Variants in FBN2 observed in about 807,000 individuals in gnomAD.
FBN2 encodes the protein fibrillin-2.
In FBN2, 105 loss-of-function variants were observed where a neutral mutation model predicts 355.6. The observed-to-expected ratio is 0.30, with a 90% CI of 0.25 to 0.35. The LOEUF (loss-of-function observed/expected upper bound fraction) is 0.35, where lower values mean the gene tolerates loss of function less well. Ranked by LOEUF, FBN2 falls within the 10% of genes least tolerant of loss-of-function variation. The pLI, the probability that FBN2 is intolerant of heterozygous loss-of-function variation, is 1.00. For missense variants in FBN2, 3,280 were observed against 3,758.7 expected, an observed-to-expected ratio of 0.87 and a Z score of 3.33; for synonymous variants, 1,350 against 1,301.2, an observed-to-expected ratio of 1.04 and a Z score of -0.81.
intron 7 of FBN2, among the ~76,000 whole-genome samples, chr5:128,416,280 C>T (rs1753196016): frequency 6.6e-6 from 1 of 152,198 alleles, no homozygotes; most frequent in Admixed American, 6.5e-5. Context: ...CCGCCTCAGC[C>T]TCCCAAAGTG....
At chr5:128,528,098 GA>G (rs1756611022) in intron 3 of FBN2, 131 bp from the exon 4 acceptor site, 1 of 689,462 alleles carries the variant, frequency 1.5e-6, no homozygotes, top group Non-Finnish European at 2.7e-6. Flanking sequence ...GAAATACTAT[GA>G]CCCAAACATA....
chr5:128,467,518 C>T lies in FBN2; in HGVS notation c.629-2597G>A, dbSNP rs372627096. 3.7e-4 allele frequency among the ~76,000 whole-genome samples: 56 copies of T among 152,020 alleles called. 1 individual carries two copies. The South Asian group carries it at 0.012, about 32-fold the overall frequency. On this transcript the variant is annotated intron_variant, in intron 5 of 64. Transcript: ENST00000262464. ...CTGATAGGGTTAAAACATCCTGTCC[C>T]AGACTCTACCTGCAGTTTAATTATG...
intron 5 of FBN2, among the ~76,000 whole-genome samples, chr5:128,483,967 T>C (rs555486440): frequency 2.0e-5 from 3 of 152,272 alleles, no homozygotes; most frequent in East Asian, 3.9e-4. Flanking sequence ...CCACCACATA[T>C]GTGATGGAAG....
intron 36 of FBN2, among the ~76,000 whole-genome samples, chr5:128,317,183 A>T (rs1750225562): frequency 1.3e-5 from 2 of 152,068 alleles, no homozygotes; most frequent in Non-Finnish European, 2.9e-5. Flanking sequence ...AATATAACAT[A>T]GCGCTTCTCC....
intron 13 of FBN2, among the ~76,000 whole-genome samples, chr5:128,377,154 G>T (rs183693675): frequency 6.6e-6 from 1 of 152,124 alleles, no homozygotes; most frequent in Non-Finnish European, 1.5e-5. Context: ...ATTTCAATGA[G>T]TGTTTATTTT....
At chr5:128,310,850 A>G (rs964834506) in intron 39 of FBN2, among the ~76,000 whole-genome samples, 4 of 152,054 alleles carry the variant, frequency 2.6e-5, no homozygotes, top group Non-Finnish European at 5.9e-5. Context: ...TTGAAATACC[A>G]TGTGATCAAG....
chr5:128,462,749 T>C (rs2127081267), intron 6 of FBN2, among the ~76,000 whole-genome samples: 1 of 152,282 alleles, frequency 6.6e-6, no homozygotes, highest in African/African-American at 2.4e-5. Context: ...TAAGTATAAA[T>C]ACAGAACATG....
intron 5 of FBN2, among the ~76,000 whole-genome samples, chr5:128,500,417 G>C (rs1005045901): frequency 7.4e-6 from 1 of 134,832 alleles, no homozygotes; most frequent in African/African-American, 2.8e-5. Flanking sequence ...AAAATGATGA[G>C]ACTCTGACAA....
intron 18 of FBN2, among the ~76,000 whole-genome samples, chr5:128,362,095 G>A (rs1751653253): frequency 6.6e-6 from 1 of 152,062 alleles, no homozygotes; most frequent in East Asian, 1.9e-4. Context: ...GCTTGGAAAG[G>A]CACATCTCTA....
At chr5:128,310,394 ATATATATATT>A (rs1234007564) in intron 39 of FBN2, among the ~76,000 whole-genome samples, 17 of 20,352 alleles carry the variant, frequency 8.4e-4, no homozygotes, top group Admixed American at 5.6e-3. Flanking sequence ...ATATATATAT[ATATATATATT>A]TTTTTTTTTT....
chr5:128,451,463 G>C (rs571884903), intron 6 of FBN2, among the ~76,000 whole-genome samples: 1 of 151,936 alleles, frequency 6.6e-6, no homozygotes, highest in African/African-American at 2.4e-5. Flanking sequence ...GCAATGGTGC[G>C]ATCTCGGCTC....
At chr5:128,480,162 G>C (rs1490315337) in intron 5 of FBN2, among the ~76,000 whole-genome samples, 2 of 135,904 alleles carry the variant, frequency 1.5e-5, no homozygotes, top group Non-Finnish European at 3.2e-5. Context: ...TATTCACAGA[G>C]AGAATATATA....
Position 128,403,028 on chromosome 5 carries a change from C to T in FBN2, c.1078+5646G>A, listed in dbSNP as rs777426381. 4.6e-5 allele frequency among the ~76,000 whole-genome samples: 7 copies of T among 152,130 alleles called. No individual in the cohort carries two copies. In the South Asian group the frequency reaches 8.3e-4, roughly 18 times the overall value. On this transcript the variant is annotated intron_variant, in intron 8 of 64. Transcript: ENST00000262464. ...TCCTTTCTTAATTAAAACTGATATC[C>T]TCATACTCTTTCATTTCTGGTTCCC...
intron 5 of FBN2, among the ~76,000 whole-genome samples, chr5:128,510,068 G>A (rs1476315202): frequency 6.6e-6 from 1 of 152,108 alleles, no homozygotes; most frequent in African/African-American, 2.4e-5. Flanking sequence ...TCCTCACCAG[G>A]ATTCTGCCCT....
At chr5:128,512,373 G>A (rs1199314993) in intron 5 of FBN2, among the ~76,000 whole-genome samples, 2 of 151,844 alleles carry the variant, frequency 1.3e-5, no homozygotes, top group Non-Finnish European at 2.9e-5. Context: ...TATTAGCAGG[G>A]GTGGTGGCGC....
At chr5:128,432,489 G>A (rs991746909) in intron 7 of FBN2, among the ~76,000 whole-genome samples, 3 of 152,040 alleles carry the variant, frequency 2.0e-5, no homozygotes, top group African/African-American at 4.8e-5. Context: ...TGTCTATGGC[G>A]GATTTTGCAC....
At chr5:128,433,914 G>A (rs1004856152) in intron 7 of FBN2, among the ~76,000 whole-genome samples, 1 of 152,104 alleles carries the variant, frequency 6.6e-6, no homozygotes, top group African/African-American at 2.4e-5. Context: ...AACTCACTCA[G>A]TATCTGTATG....
chr5:128,398,454 C>T (rs981738661), intron 8 of FBN2, among the ~76,000 whole-genome samples: 1 of 150,478 alleles, frequency 6.6e-6, no homozygotes, highest in Non-Finnish European at 1.5e-5. Context: ...GGGAAAAGGC[C>T]CATAAACAAT....
At chr5:128,330,767 C>G in intron 32 of FBN2, 72 bp from the exon 33 acceptor site, 3 of 1,531,566 alleles carry the variant, frequency 2.0e-6, no homozygotes, top group Non-Finnish European at 2.7e-6. Flanking sequence ...TATCGTTTGT[C>G]TTAATTTACA....
Sources: allele counts gnomAD v4.1 joint callset (sites outside exome capture counted in the v4.1 genomes callset), GRCh38; gene constraint gnomAD v4.1.1; transcripts MANE v1.5; gene names NCBI Gene and HGNC (gene_info 2026-07-23, HGNC 2026-07-21).